The following SYT1 variants were observed in gnomAD, a reference collection of about 807,000 sequenced individuals.
SYT1 encodes the protein synaptotagmin-1.
SYT1 carries 8 observed loss-of-function variants against 44.8 expected under a neutral mutation model. That is an observed-to-expected ratio of 0.18 (90% confidence interval 0.10 to 0.32). The LOEUF (loss-of-function observed/expected upper bound fraction) is 0.32, where lower values mean the gene tolerates loss of function less well. Among genes scored for constraint, SYT1 ranks in the 10% least tolerant of loss-of-function variants. The probability of loss-of-function intolerance (pLI) is 1.00; values close to 1 mark genes in which losing one functional copy is unlikely to be tolerated. For synonymous variants in SYT1, 154 were observed against 188.8 expected (o/e 0.82, Z 1.51); for missense variants, 286 against 509.3 (o/e 0.56, Z 4.22).
intron 4 of SYT1, among the ~76,000 whole-genome samples, chr12:79,261,098 AG>A (rs1295798250): frequency 2.0e-5 from 3 of 152,202 alleles, no homozygotes; most frequent in Non-Finnish European, 4.4e-5. Context: ...AGTGCTCAGT[AG>A]TCTTATAAAA....
intron 1 of SYT1, among the ~76,000 whole-genome samples, chr12:78,928,469 C>CT (rs975065404): frequency 2.0e-4 from 31 of 151,892 alleles, no homozygotes; most frequent in Admixed American, 2.0e-3. Flanking sequence ...CCTCAGCATA[C>CT]TTTTTTTTTC....
At chr12:78,915,434 G>A (rs1876596799) in intron 1 of SYT1, among the ~76,000 whole-genome samples, 1 of 151,888 alleles carries the variant, frequency 6.6e-6, no homozygotes, top group Admixed American at 6.6e-5. Context: ...CTCGAAGGAG[G>A]GTGAGAAGAC....
At chr12:78,987,685 TA>T (rs922033667) in intron 2 of SYT1, among the ~76,000 whole-genome samples, 1 of 151,994 alleles carries the variant, frequency 6.6e-6, no homozygotes, top group East Asian at 1.9e-4. Context: ...TAGGGATATA[TA>T]AAAAAACCCT....
intron 3 of SYT1, among the ~76,000 whole-genome samples, chr12:79,196,182 TTG>T (rs1873446917): frequency 6.6e-6 from 1 of 151,516 alleles, no homozygotes; most frequent in Non-Finnish European, 1.5e-5. Flanking sequence ...GTTGTTGTTG[TTG>T]TTGAGATGGA....
chr12:79,060,056 G>A (rs1037242834), intron 3 of SYT1, among the ~76,000 whole-genome samples: 12 of 152,060 alleles, frequency 7.9e-5, no homozygotes, highest in African/African-American at 2.9e-4. Flanking sequence ...TTGCATAAGA[G>A]AGTGAGCTCC....
intron 2 of SYT1, among the ~76,000 whole-genome samples, chr12:79,029,544 T>C (rs1399380422): frequency 6.6e-6 from 1 of 151,160 alleles, no homozygotes; most frequent in Non-Finnish European, 1.5e-5. Context: ...ACTTCTGATT[T>C]GGTGATTAAT....
intron 3 of SYT1, among the ~76,000 whole-genome samples, chr12:79,108,488 T>G (rs1049078188): frequency 1.3e-5 from 2 of 152,022 alleles, no homozygotes; most frequent in African/African-American, 4.8e-5. Flanking sequence ...CTTTTTTATC[T>G]CTGTAATTTT....
chr12:78,881,330 G>A (rs1874441723), intron 1 of SYT1, among the ~76,000 whole-genome samples: 1 of 151,312 alleles, frequency 6.6e-6, no homozygotes, highest in Admixed American at 6.6e-5. Flanking sequence ...ACCCATCTCT[G>A]TAGTTCAAAG....
intron 1 of SYT1, among the ~76,000 whole-genome samples, chr12:78,956,301 T>A (rs1649009176): frequency 6.6e-6 from 1 of 152,064 alleles, no homozygotes; most frequent in South Asian, 2.1e-4. Context: ...AGACAAATAA[T>A]CTGGAGACAC....
chr12:78,987,211 C>T (rs556804554), intron 2 of SYT1, among the ~76,000 whole-genome samples: 2 of 152,008 alleles, frequency 1.3e-5, no homozygotes, highest in South Asian at 2.1e-4. Flanking sequence ...GAGGAGGCAC[C>T]CTTTCTAAGC....
chr12:79,233,263 G>A (rs1422842404), intron 4 of SYT1, among the ~76,000 whole-genome samples: 1 of 152,128 alleles, frequency 6.6e-6, no homozygotes, highest in African/African-American at 2.4e-5. Context: ...ATAACGAATT[G>A]TATTGAAATG....
intron 9 of SYT1, among the ~76,000 whole-genome samples, chr12:79,367,663 T>A (rs1883602140): frequency 6.6e-6 from 1 of 152,038 alleles, no homozygotes; most frequent in Non-Finnish European, 1.5e-5. Flanking sequence ...ATCTCCAGGC[T>A]GTGCCCATCT....
intron 1 of SYT1, among the ~76,000 whole-genome samples, chr12:78,888,563 A>T (rs1874872529): frequency 1.3e-5 from 2 of 151,934 alleles, no homozygotes; most frequent in South Asian, 4.1e-4. Flanking sequence ...GACACTTAGA[A>T]ATGTCCAATA....
chr12:79,102,179 C>CA (rs1262526162), intron 3 of SYT1, among the ~76,000 whole-genome samples: 3 of 151,862 alleles, frequency 2.0e-5, no homozygotes, highest in Admixed American at 6.6e-5. Flanking sequence ...CCAAATTCTG[C>CA]AAAAAATGCT....
At chr12:79,211,444 T>A (rs2400347) in intron 3 of SYT1, among the ~76,000 whole-genome samples, 105,340 of 151,926 alleles carry the variant, frequency 0.69, 36,918 homozygotes, top group African/African-American at 0.73. Context: ...CTTTCTTTTT[T>A]TTATTATTAT....
At chr12:79,172,803 C>CT (rs1301016050) in intron 3 of SYT1, among the ~76,000 whole-genome samples, 5 of 151,176 alleles carry the variant, frequency 3.3e-5, no homozygotes, top group Admixed American at 3.3e-4. Context: ...GCCATTTTCT[C>CT]TTAAGCCTAT....
chr12:79,219,782 C>A (rs955338236), intron 4 of SYT1, among the ~76,000 whole-genome samples: 6 of 151,928 alleles, frequency 3.9e-5, no homozygotes, highest in African/African-American at 1.4e-4. Context: ...TACTATATTT[C>A]GAAGTCAGGT....
intron 1 of SYT1, among the ~76,000 whole-genome samples, chr12:78,913,562 T>C (rs1214732732): frequency 6.6e-6 from 1 of 151,864 alleles, no homozygotes; most frequent in Non-Finnish European, 1.5e-5. Context: ...ATGAGGTCAG[T>C]GATTATTTTT....
chr12:79,381,703 G>A (rs1884229978), intron 9 of SYT1, among the ~76,000 whole-genome samples: 1 of 152,182 alleles, frequency 6.6e-6, no homozygotes, highest in South Asian at 2.1e-4. Flanking sequence ...GTGTTAGGGA[G>A]CATGGTTGAG....
Sources: gnomAD v4.1 joint callset for allele counts (sites outside exome capture counted in the v4.1 genomes callset) on GRCh38, gnomAD v4.1.1 for gene constraint, MANE v1.5 for transcripts, NCBI Gene and HGNC (gene_info 2026-07-23, HGNC 2026-07-21) for gene names.